Variants in WDR18 observed in about 807,000 individuals in gnomAD.
The protein encoded by WDR18 is WD repeat domain 18.
In WDR18, 33 loss-of-function variants were observed where a neutral mutation model predicts 49.6. The observed-to-expected ratio is 0.67, with a 90% confidence interval of 0.50 to 0.89. WDR18 has a LOEUF of 0.89. Ranked by LOEUF, WDR18 falls within the 40% of genes least tolerant of loss-of-function variation. The pLI, the probability that WDR18 is intolerant of heterozygous loss-of-function variation, is 0.00. For missense variants in WDR18, 653 were observed against 593.6 expected, an observed-to-expected ratio of 1.10 and a Z score of -1.04; for synonymous variants, 315 against 263.6, an observed-to-expected ratio of 1.19 and a Z score of -1.89.
intron 8 of WDR18, among the ~76,000 whole-genome samples, chr19:992,845 G>A (rs980952519): frequency 1.3e-5 from 2 of 152,216 alleles, no homozygotes; most frequent in African/African-American, 2.4e-5. Flanking sequence ...GGTGTCTCAC[G>A]TCACTGTCTG....
chr19:992,717 G>A (rs768629325), intron 8 of WDR18, among the ~76,000 whole-genome samples: 1 of 152,228 alleles, frequency 6.6e-6, no homozygotes, highest in Non-Finnish European at 1.5e-5. Context: ...CCTCATAGAA[G>A]CCAGTGTGGT....
intron 3 of WDR18, 31 bp from the exon 4 acceptor site, chr19:990,192 G>A (rs1475375799): frequency 6.3e-6 from 10 of 1,577,472 alleles, no homozygotes; most frequent in Middle Eastern, 1.7e-4. Context: ...TCCGCTCCCC[G>A]CCTGCTGAGC....
At position 990,397 on chromosome 19, in the gene WDR18, G is replaced by A. The variant is rs1037154044; in HGVS notation, c.597+33G>A. On this transcript the variant is annotated intron_variant, in intron 4 of 9. Coordinates refer to ENST00000585809, the MANE Select transcript of WDR18 (RefSeq NM_024100.4). The stretch of plus-strand genomic sequence containing the variant: ...GCCCCCACCCCACCACGGTCCATGA[G>A]CGGAGCCCAGCAGCCGCAGGTCCTC... 8 of 1,487,456 alleles carry A rather than the reference G, an allele frequency of 5.4e-6. No homozygotes were observed. The African/African-American group carries it at 1.1e-4, about 21-fold the overall frequency. 92.1% of individuals were successfully genotyped at this position (1,487,456 alleles called of 1,614,324 possible). A position where few individuals can be genotyped will look rare whatever the true frequency, so the allele number is the denominator to read the frequency against.
At chr19:990,761 C>G (rs1421959142) in intron 4 of WDR18, 91 bp from the exon 5 acceptor site, 2 of 1,494,002 alleles carry the variant, frequency 1.3e-6, no homozygotes, top group Admixed American at 2.3e-5. Context: ...CAGAGGACAG[C>G]CGACGCCTGA....
rs1158665526 is a variant in WDR18, at chr19:984,694, G to T, written c.210+131G>T. The T allele has an allele frequency of 4.1e-6, 4 of 971,112 alleles. No homozygotes were observed. The Admixed American group carries it at 1.2e-4, about 30-fold the overall frequency. The allele number at this position is 971,112 out of a possible 1,614,324, so 60.2% of individuals were successfully genotyped here. On this transcript the variant is annotated intron_variant, in intron 1 of 9. Coordinates refer to ENST00000585809, the MANE Select transcript of WDR18 (RefSeq NM_024100.4). ...GAGGGGAGGTGGTCTCCGTTCGGGC[G>T]CTCTGCGCATGCGCGGGTCTGGGGG...
chr19:987,051 A>G (rs10404706), intron 2 of WDR18, among the ~76,000 whole-genome samples: 92,887 of 152,050 alleles, frequency 0.61, 29,214 homozygotes, highest in Non-Finnish European at 0.7. Context: ...GAGATAAAAA[A>G]GCCACCAGGG....
At position 990,282 on chromosome 19, in the gene WDR18, C is replaced by T. The variant is rs1476713013; in HGVS notation, c.515C>T (p.Ala172Val). 1.1e-5 allele frequency: 18 copies of T among 1,599,004 alleles called. No individual in the cohort carries two copies. Among genetic ancestry groups the T allele is most frequent in the Middle Eastern group, 1.6e-4 (1 of 6,072 alleles). Reference protein sequence around the residue: ...PAPRHVWSHHALPITDLHCGF... With the variant: ...PAPRHVWSHHVLPITDLHCGF... ...CCCAGGCACGTCTGGTCTCACCACG[C>T]GCTCCCCATCACGGACCTGCACTGC... Residue 172 changes from alanine (A) to valine (V), a missense_variant, in exon 4 of 10, where the codon GCG becomes GTG. Transcript: ENST00000585809.
intron 7 of WDR18, 105 bp from the exon 8 acceptor site, chr19:991,832 TGGACTGGCTGTGGGGCGG>T (rs1337872244): frequency 6.7e-5 from 62 of 931,796 alleles, no homozygotes; most frequent in African/African-American, 4.2e-4. Context: ...GCTGGGGGCG[TGGACTGGCTGTGGGGCGG>T]GGACTGGCTG....
At chr19:987,829 GTTTTTT>G (rs71174337) in intron 2 of WDR18, among the ~76,000 whole-genome samples, 195 of 91,716 alleles carry the variant, frequency 2.1e-3, no homozygotes, top group South Asian at 6.3e-3. Context: ...GCCGCCTCCA[GTTTTTT>G]TTTTTTTTTT....
rs2038604808 is a variant in WDR18 at position 994,390 on chromosome 19, C to G, written c.*46C>G. 3 of 1,567,456 alleles carry G rather than the reference C, an allele frequency of 1.9e-6. No homozygotes were observed. The South Asian group carries it at 3.5e-5, about 18-fold the overall frequency. On this transcript the variant is annotated 3_prime_UTR_variant, in exon 10 of 10. Transcript: ENST00000585809. ...AGGCGCCCAGGCCTGAGCCCCATGC[C>G]TCCCAGCAACCAGGGCCCGCGGGTG...
chr19:987,829 G>GTTTTGTTTTTTTTTT (rs1340731704), intron 2 of WDR18, among the ~76,000 whole-genome samples: 1 of 91,822 alleles, frequency 1.1e-5, no homozygotes, highest in Admixed American at 1.1e-4. Flanking sequence ...GCCGCCTCCA[G>GTTTTGTTTTTTTTTT]TTTTTTTTTT....
Position 991,071 on chromosome 19 carries a change from G to A in WDR18, c.742-10G>A. The A allele has an allele frequency of 1.2e-6, 2 of 1,603,708 alleles. No individual in the cohort carries two copies. Among genetic ancestry groups the A allele is most frequent in the Non-Finnish European group, 1.7e-6 (2 of 1,175,314 alleles). On this transcript the variant is annotated splice_polypyrimidine_tract_variant and intron_variant, in intron 5 of 9. Transcript: ENST00000585809. ...GGGCCTGCGGCTCACACACGTCTCG[G>A]CCTTCGCAGCCCGGACAGAGGGAGA... is the stretch of plus-strand genomic sequence containing the variant.
In WDR18 at chr19:990,921, A is replaced by G. The variant is rs763804343; in HGVS notation, c.667A>G (p.Met223Val). 5.0e-6 allele frequency: 8 copies of G among 1,612,788 alleles called. No individual in the cohort carries two copies. In the East Asian group the frequency reaches 8.9e-5, roughly 18 times the overall value. ...TGACGTGTCCATCATGGCAGTGACC[A>G]TGGACCTGGCTGAGCACCATATGTT... ...LFDVSIMAVT[M>V]DLAEHHMFCG... Residue 223 changes from methionine to valine, a missense_variant, in exon 5 of 10, where the codon ATG (methionine) becomes GTG (valine). Transcript: ENST00000585809.
In WDR18 at chr19:989,901, G is replaced by C; in HGVS notation, c.455+6G>C. On this transcript the variant is annotated splice_donor_region_variant and intron_variant, in intron 3 of 9. Coordinates refer to ENST00000585809, the MANE Select transcript of WDR18 (RefSeq NM_024100.4). ...CTGGTTTGGAGCCTCTGCAGGTAGC[G>C]CCTTGCGCACTCAGGCCTGCACCTG... The C allele has an allele frequency of 6.2e-7, 1 of 1,600,620 alleles. No homozygotes were observed. The highest frequency in any genetic ancestry group is 8.5e-7 in the Non-Finnish European group (1 of 1,173,576).
Position 990,378 on chromosome 19 carries a change from AC to A in WDR18, c.597+18del. The A allele has an allele frequency of 1.3e-6, 2 of 1,523,564 alleles. No homozygotes were observed. The highest frequency in any genetic ancestry group is 1.8e-6 in the Non-Finnish European group (2 of 1,141,722). 94.4% of individuals were successfully genotyped at this position (1,523,564 alleles called of 1,614,324 possible). A position where few individuals can be genotyped will look rare whatever the true frequency, so the allele number is the denominator to read the frequency against. On this transcript the variant is annotated intron_variant, in intron 4 of 9. Transcript: ENST00000585809. ...CAGACGGTGAAGGTACGCCGCCCCC[AC>A]CCCACCACGGTCCATGAGCGGAGCC... is the stretch of plus-strand genomic sequence containing the variant.
rs566021205 is a variant in WDR18 at position 994,474 on chromosome 19, C to T, written c.*130C>T. ...AGTTCTGTGTCGTGTTCGGGTTTTT[C>T]CTCTGTGACTGGGCCGTCTTGGTGT... On this transcript the variant is annotated 3_prime_UTR_variant, in exon 10 of 10. Transcript: ENST00000585809. The T allele has an allele frequency of 3.2e-5, 43 of 1,338,714 alleles. No individual in the cohort carries two copies. The highest frequency in any genetic ancestry group is 4.4e-5 in the South Asian group (3 of 68,592). The allele number at this position is 1,338,714 out of a possible 1,614,324, so 82.9% of individuals were successfully genotyped here. A position where few individuals can be genotyped will look rare whatever the true frequency, so the allele number is the denominator to read the frequency against.
intron 8 of WDR18, among the ~76,000 whole-genome samples, chr19:992,710 C>T (rs750476460): frequency 6.6e-6 from 1 of 152,214 alleles, no homozygotes; most frequent in South Asian, 2.1e-4. Context: ...CCAAGACCCT[C>T]ATAGAAGCCA....
chr19:985,538 G>A (rs998332946), intron 1 of WDR18, among the ~76,000 whole-genome samples: 1 of 152,112 alleles, frequency 6.6e-6, no homozygotes, highest in Non-Finnish European at 1.5e-5. Flanking sequence ...TGGATAGAAG[G>A]ATTGGGGCAC....
intron 8 of WDR18, among the ~76,000 whole-genome samples, chr19:993,222 C>T (rs2038582774): frequency 6.6e-6 from 1 of 152,244 alleles, no homozygotes; most frequent in South Asian, 2.1e-4. Flanking sequence ...AACAGGCCTC[C>T]AGCGGCAGAG....
Sources: allele counts gnomAD v4.1 joint callset (sites outside exome capture counted in the v4.1 genomes callset), GRCh38; gene constraint gnomAD v4.1.1; transcripts MANE v1.5; gene names NCBI Gene and HGNC (gene_info 2026-07-23, HGNC 2026-07-21).